The following PLCE1 variants were observed in gnomAD, a reference collection of about 807,000 sequenced individuals.
The protein encoded by PLCE1 is 1-phosphatidylinositol 4,5-bisphosphate phosphodiesterase epsilon-1.
Under a neutral mutation model 242.8 loss-of-function variants are expected in PLCE1, and 119 were observed. That is an observed-to-expected ratio of 0.49 (90% CI 0.42 to 0.57). The LOEUF is 0.57. Ranked by LOEUF, PLCE1 falls within the 20% of genes least tolerant of loss-of-function variation. The probability of loss-of-function intolerance (pLI) is 0.00; values close to 1 mark genes in which losing one functional copy is unlikely to be tolerated. For synonymous variants in PLCE1, 945 were observed against 1,017.4 expected (o/e 0.93, Z 1.35); for missense variants, 2,441 against 2,788.8 (o/e 0.88, Z 2.81).
intron 2 of PLCE1, among the ~76,000 whole-genome samples, chr10:94,124,684 A>G (rs1034888073): frequency 3.9e-5 from 6 of 152,204 alleles, no homozygotes; most frequent in Admixed American, 3.3e-4. Context: ...TTGTTTATTT[A>G]AATTGATTTA....
intron 2 of PLCE1, among the ~76,000 whole-genome samples, chr10:94,128,976 T>C (rs1269080444): frequency 6.6e-6 from 1 of 152,256 alleles, no homozygotes; most frequent in Admixed American, 6.5e-5. Flanking sequence ...CAGATGTATA[T>C]GTAAAGCTTT....
At chr10:94,109,538 G>T (rs1243303430) in intron 2 of PLCE1, among the ~76,000 whole-genome samples, 1 of 152,266 alleles carries the variant, frequency 6.6e-6, no homozygotes, top group East Asian at 1.9e-4. Context: ...AACCTGGGAG[G>T]CAGAGGTTGC....
At chr10:94,321,455 A>C (rs2053798476) in intron 29 of PLCE1, among the ~76,000 whole-genome samples, 1 of 152,178 alleles carries the variant, frequency 6.6e-6, no homozygotes, top group African/African-American at 2.4e-5. Context: ...AGCATGGCGA[A>C]ACCCTGTCTC....
chr10:94,171,464 G>A lies in PLCE1; in HGVS notation c.1777G>A (p.Ala593Thr). 6.2e-7 allele frequency: 1 copy of A among 1,614,180 alleles called. No individual in the cohort carries two copies. Among genetic ancestry groups the A allele is most frequent in the Non-Finnish European group, 8.5e-7 (1 of 1,180,010 alleles). Residue 593 changes from alanine (A) to threonine (T), a missense_variant, in exon 4 of 33, where the codon GCC becomes ACC. By Grantham distance (58) the Ala-to-Thr change is moderately conservative. Coordinates refer to ENST00000371380, the MANE Select transcript of PLCE1 (RefSeq NM_016341.4). ...TACCACTCAGAATGGAGAGCACAATGCCCTTGAAGATCTGGTGATGAGGTT... is the reference window on the plus strand; with the variant it reads ...TACCACTCAGAATGGAGAGCACAATACCCTTGAAGATCTGGTGATGAGGTT... ...ILTTQNGEHN[A>T]LEDLVMRFNE...
At chr10:94,076,327 CTG>C (rs1163310713) in intron 2 of PLCE1, among the ~76,000 whole-genome samples, 2 of 152,188 alleles carry the variant, frequency 1.3e-5, no homozygotes, top group African/African-American at 4.8e-5. Flanking sequence ...GTTATAAAAA[CTG>C]TACCCTGGTT....
In PLCE1 at chr10:94,332,666, T is replaced by A. The variant is rs2054174237; in HGVS notation, c.*4723T>A. The A allele has an allele frequency of 6.6e-6, 1 of 152,186 alleles. No homozygotes were observed. The highest frequency in any genetic ancestry group is 2.4e-5 in the African/African-American group (1 of 41,442). The allele number at this position is 152,186 out of a possible 1,614,324, so 9.4% of individuals were successfully genotyped here. On this transcript the variant is annotated 3_prime_UTR_variant, in exon 33 of 33. Transcript: ENST00000371380. ...TTTGTAGTCCCACTGTGATTCTCCA[T>A]ATGTATAACAAGAAAATTAAAGGCA...
At chr10:94,174,367 T>G (rs1292647407) in intron 4 of PLCE1, among the ~76,000 whole-genome samples, 1 of 152,200 alleles carries the variant, frequency 6.6e-6, no homozygotes, top group Non-Finnish European at 1.5e-5. Context: ...TAGAAAATCA[T>G]CATTAGAATA....
chr10:94,114,289 C>A (rs140536624), intron 2 of PLCE1, among the ~76,000 whole-genome samples: 2 of 152,278 alleles, frequency 1.3e-5, no homozygotes, highest in East Asian at 3.9e-4. Flanking sequence ...ATTGGGCTCC[C>A]CAGCTTTTCT....
chr10:94,308,119 C>A (rs530973472), intron 26 of PLCE1, among the ~76,000 whole-genome samples: 1 of 152,294 alleles, frequency 6.6e-6, no homozygotes, highest in South Asian at 2.1e-4. Flanking sequence ...ATGTTAATAA[C>A]TATACATGTA....
chr10:94,282,085 A>T (rs777927725), intron 20 of PLCE1, among the ~76,000 whole-genome samples: 1 of 149,306 alleles, frequency 6.7e-6, no homozygotes, highest in African/African-American at 2.5e-5. Context: ...ATTCTGCACA[A>T]CTGCAAGAGT....
At chr10:94,131,643 A>G (rs2046601868) in intron 2 of PLCE1, among the ~76,000 whole-genome samples, 1 of 152,190 alleles carries the variant, frequency 6.6e-6, no homozygotes, top group Admixed American at 6.5e-5. Flanking sequence ...AAATGATTCA[A>G]ATACTTTGAT....
chr10:94,328,201 C>T lies in PLCE1; in HGVS notation c.*258C>T, dbSNP rs934312433. The T allele has an allele frequency of 1.9e-5, 6 of 310,864 alleles. No individual in the cohort carries two copies. The highest frequency in any genetic ancestry group is 3.4e-5 in the Non-Finnish European group (5 of 147,838). The allele number at this position is 310,864 out of a possible 1,614,324, so 19.3% of individuals were successfully genotyped here. A position where few individuals can be genotyped will look rare whatever the true frequency, so the allele number is the denominator to read the frequency against. On this transcript the variant is annotated 3_prime_UTR_variant, in exon 33 of 33. Transcript: ENST00000371380. ...ATGTCAGCAGTTGGAAAAATCGTCACGAATTGACTTAGAGCAAGGGTCAGC... is the reference window on the plus strand; with the variant it reads ...ATGTCAGCAGTTGGAAAAATCGTCATGAATTGACTTAGAGCAAGGGTCAGC...
At chr10:94,095,854 T>G (rs996102855) in intron 2 of PLCE1, among the ~76,000 whole-genome samples, 2 of 152,168 alleles carry the variant, frequency 1.3e-5, no homozygotes, top group Non-Finnish European at 2.9e-5. Context: ...CTGAAGCCCA[T>G]GTTCCTTCTA....
intron 4 of PLCE1, among the ~76,000 whole-genome samples, chr10:94,196,259 G>A (rs1277013110): frequency 6.6e-6 from 1 of 152,152 alleles, no homozygotes; most frequent in Non-Finnish European, 1.5e-5. Context: ...TCTATAGGGT[G>A]AGGGTTACAG....
intron 11 of PLCE1, among the ~76,000 whole-genome samples, chr10:94,255,904 ACACACACACACT>A (rs2051058221): frequency 3.0e-5 from 3 of 98,894 alleles, no homozygotes; most frequent in Admixed American, 2.0e-4. Context: ...ACACACACAC[ACACACACACACT>A]CTCTCTCTCT....
chr10:94,217,404 A>G (rs1336365378), intron 4 of PLCE1, among the ~76,000 whole-genome samples: 2 of 152,198 alleles, frequency 1.3e-5, no homozygotes, highest in East Asian at 3.9e-4. Context: ...TTTTATGTAA[A>G]CTGTTAGTGA....
intron 19 of PLCE1, among the ~76,000 whole-genome samples, 170 bp downstream of exon 19, chr10:94,273,890 C>T (rs1392813302): frequency 6.6e-6 from 1 of 152,190 alleles, no homozygotes; most frequent in African/African-American, 2.4e-5. Flanking sequence ...CCAATAAATT[C>T]TCTCATCTCA....
chr10:94,235,062 T>TCACACACA (rs3222767), intron 6 of PLCE1, among the ~76,000 whole-genome samples: 18,808 of 135,280 alleles, frequency 0.14, 1,584 homozygotes, highest in East Asian at 0.25. Context: ...TACTGACCTT[T>TCACACACA]CACACACACA....
At chr10:94,305,452 A>G (rs895364628) in intron 25 of PLCE1, among the ~76,000 whole-genome samples, 1 of 152,012 alleles carries the variant, frequency 6.6e-6, no homozygotes, top group African/African-American at 2.4e-5. Flanking sequence ...CAAAACAACA[A>G]CAGAGACCTG....
Sources: allele counts gnomAD v4.1 joint callset (sites outside exome capture counted in the v4.1 genomes callset), GRCh38; gene constraint gnomAD v4.1.1; transcripts MANE v1.5; gene names NCBI Gene and HGNC (gene_info 2026-07-23, HGNC 2026-07-21).